MMS22L: variants seen among roughly 807,000 people sequenced by gnomAD.
MMS22L encodes MMS22 like, DNA repair protein.
Under a neutral mutation model 159.1 loss-of-function variants are expected in MMS22L, and 74 were observed. The observed-to-expected ratio is 0.47, with a 90% CI of 0.39 to 0.56. MMS22L has a LOEUF of 0.56. Ranked by LOEUF, MMS22L falls within the 20% of genes least tolerant of loss-of-function variation. The pLI is 0.00. For synonymous variants in MMS22L, 517 were observed against 506.9 expected (o/e 1.02, Z -0.27); for missense variants, 1,351 against 1,422.1 (o/e 0.95, Z 0.80).
At chr6:97,231,813 TAC>T (rs1343464113) in intron 12 of MMS22L, among the ~76,000 whole-genome samples, 161 bp from the exon 13 acceptor site, 1 of 152,144 alleles carries the variant, frequency 6.6e-6, no homozygotes, top group Non-Finnish European at 1.5e-5. Context: ...TCCATGAAAG[TAC>T]AGAGCATCAA....
At chr6:97,224,460 G>T (rs1810001757) in intron 14 of MMS22L, among the ~76,000 whole-genome samples, 1 of 151,582 alleles carries the variant, frequency 6.6e-6, no homozygotes, top group Non-Finnish European at 1.5e-5. Context: ...AAATTTAGAG[G>T]GTTGGAATAG....
At chr6:97,277,432 T>A (rs1816346170) in intron 4 of MMS22L, among the ~76,000 whole-genome samples, 1 of 151,292 alleles carries the variant, frequency 6.6e-6, no homozygotes, top group Non-Finnish European at 1.5e-5. Flanking sequence ...ATAATAATAA[T>A]AAATAATAAT....
intron 2 of MMS22L, 52 bp downstream of exon 2, chr6:97,282,261 TA>T: frequency 6.4e-7 from 1 of 1,573,556 alleles, no homozygotes; most frequent in South Asian, 1.2e-5. Flanking sequence ...CTAACATTCC[TA>T]AAAAACTGGT....
chr6:97,150,896 C>T (rs1801254276), intron 23 of MMS22L, among the ~76,000 whole-genome samples: 1 of 152,154 alleles, frequency 6.6e-6, no homozygotes, highest in South Asian at 2.1e-4. Flanking sequence ...CAGCACAAGA[C>T]TCTAAAGGGA....
intron 11 of MMS22L, among the ~76,000 whole-genome samples, chr6:97,243,410 G>A (rs919600597): frequency 2.6e-5 from 4 of 151,916 alleles, no homozygotes; most frequent in Non-Finnish European, 4.4e-5. Context: ...CTCTAAATGT[G>A]TCTTTCATTT....
At chr6:97,200,687 T>C (rs1214439893) in intron 14 of MMS22L, among the ~76,000 whole-genome samples, 2 of 152,024 alleles carry the variant, frequency 1.3e-5, no homozygotes, top group African/African-American at 2.4e-5. Flanking sequence ...TGATATCTCA[T>C]AAAATGGAAC....
chr6:97,189,551 CAAAAAAAAAAAAAA>C lies in MMS22L; in HGVS notation c.2040-2875_2040-2862del, dbSNP rs67620002. Among the ~76,000 whole-genome samples the C allele has an allele frequency of 1.7e-3, 95 of 55,232 alleles. 1 individual carries two copies. The highest frequency in any genetic ancestry group is 6.2e-3 in the African/African-American group (85 of 13,630). 36.2% of individuals were successfully genotyped at this position (55,232 alleles called of 152,430 possible). A position where few individuals can be genotyped will look rare whatever the true frequency, so the allele number is the denominator to read the frequency against. ...CTGGGCAACAGCGAGACTCTGTCTC[CAAAAAAAAAAAAAA>C]AAAAAAAAAAAAAAGAATAATTAAT... On this transcript the variant is annotated intron_variant, in intron 14 of 24. Coordinates refer to ENST00000683635, the MANE Select transcript of MMS22L (RefSeq NM_001350599.2).
In MMS22L at chr6:97,204,937, C is replaced by CTTT. The variant is rs1222516541; in HGVS notation, c.2040-18250_2040-18248dup. ...GTGCTTTGAGGGCCATGTACAGTGT[C>CTTT]TTTTTTTTTTTTTTTTTTTTTTTTG... On this transcript the variant is annotated intron_variant, in intron 14 of 24. Transcript: ENST00000683635. Among the ~76,000 whole-genome samples the CTTT allele has an allele frequency of 3.2e-3, 168 of 52,384 alleles. 2 individuals are homozygous for CTTT. Among genetic ancestry groups the CTTT allele is most frequent in the East Asian group, 6.5e-3 (10 of 1,528 alleles). 34.4% of individuals were successfully genotyped at this position (52,384 alleles called of 152,430 possible).
chr6:97,229,143 C>T lies in MMS22L; in HGVS notation c.1790G>A (p.Cys597Tyr), dbSNP rs1810574662. The T allele has an allele frequency of 6.2e-7, 1 of 1,614,018 alleles. No homozygotes were observed. The highest frequency in any genetic ancestry group is 1.7e-5 in the Admixed American group (1 of 60,000). The change falls in exon 14 of 25, where the codon TGT (cysteine) becomes TAT (tyrosine). Residue 597 changes from cysteine (C) to tyrosine (Y), a missense_variant. Cys to Tyr is a radical substitution (Grantham distance 194). Coordinates refer to ENST00000683635, the MANE Select transcript of MMS22L (RefSeq NM_001350599.2). Reference sequence around the variant, plus strand: ...TTCCTTTGCTTTCTCCCGGAAAGCACATGAAAATTTCTCAGCCAAAACACC... The same window carrying T: ...TTCCTTTGCTTTCTCCCGGAAAGCATATGAAAATTTCTCAGCCAAAACACC... ...DIGVLAEKFS[C>Y]AFREKAKEFL... is the part of the protein sequence containing the mutation.
At chr6:97,258,914 C>T (rs1163266446) in intron 9 of MMS22L, 1 of 152,110 alleles carries the variant, frequency 6.6e-6, no homozygotes. Flanking sequence ...CTGTTATATT[C>T]CATTGAGTGC....
Position 97,211,288 on chromosome 6 carries a change from C to T in MMS22L, c.2039+17606G>A, listed in dbSNP as rs78021283. ...CATAAAATGCAAATTTCAAGTGGGG[C>T]CAATATATTTGCAACATACGTAATG... is the stretch of plus-strand genomic sequence containing the variant. On this transcript the variant is annotated intron_variant, in intron 14 of 24. Coordinates refer to ENST00000683635, the MANE Select transcript of MMS22L (RefSeq NM_001350599.2). Among the ~76,000 whole-genome samples, 9 of 151,870 alleles carry T rather than the reference C, an allele frequency of 5.9e-5. No individual in the cohort carries two copies. The East Asian group carries it at 1.7e-3, about 29-fold the overall frequency.
chr6:97,148,593 G>T (rs1474224514), intron 24 of MMS22L, among the ~76,000 whole-genome samples: 1 of 151,702 alleles, frequency 6.6e-6, no homozygotes, highest in Non-Finnish European at 1.5e-5. Flanking sequence ...TTTAAAAATA[G>T]AAAAAAGCTT....
chr6:97,224,464 G>A (rs1810002401), intron 14 of MMS22L, among the ~76,000 whole-genome samples: 1 of 151,114 alleles, frequency 6.6e-6, no homozygotes, highest in Non-Finnish European at 1.5e-5. Context: ...TTAGAGGGTT[G>A]GAATAGTACT....
rs148057224 is a variant in MMS22L, at chr6:97,188,818, C to T, written c.2040-2128G>A. On this transcript the variant is annotated intron_variant, in intron 14 of 24. Transcript: ENST00000683635. ...CTAATAAAAATACAAAAAAATTAGC[C>T]GGGCATGATGGTACACGCTTGTAAT... 6.2e-3 allele frequency among the ~76,000 whole-genome samples: 941 copies of T among 151,990 alleles called. 12 individuals are homozygous for T. The highest frequency in any genetic ancestry group is 0.021 in the African/African-American group (870 of 41,460).
chr6:97,214,418 C>G (rs1808746046), intron 14 of MMS22L, among the ~76,000 whole-genome samples: 1 of 152,250 alleles, frequency 6.6e-6, no homozygotes, highest in South Asian at 2.1e-4. Flanking sequence ...AGCGAAGAAG[C>G]CAGCCCACTA....
At chr6:97,270,068 T>G (rs774972842) in intron 6 of MMS22L, 76 bp from the exon 7 acceptor site, 8 of 1,131,102 alleles carry the variant, frequency 7.1e-6, no homozygotes, top group Non-Finnish European at 1.1e-5. Context: ...GTCACAATAC[T>G]CCTCCATAAA....
chr6:97,239,500 TA>T (rs1476592543), intron 11 of MMS22L, among the ~76,000 whole-genome samples: 2 of 152,188 alleles, frequency 1.3e-5, no homozygotes, highest in African/African-American at 2.4e-5. Flanking sequence ...AAACTGTACT[TA>T]AGTAAGTAAA....
chr6:97,268,626 C>A (rs1815404291), intron 7 of MMS22L, among the ~76,000 whole-genome samples: 1 of 151,846 alleles, frequency 6.6e-6, no homozygotes, highest in Non-Finnish European at 1.5e-5. Context: ...ACATTTCTAA[C>A]CAACAAAGCC....
At chr6:97,153,364 CTTTTTTTTTTTTTTTT>C (rs59258093) in intron 22 of MMS22L, among the ~76,000 whole-genome samples, 1 of 78,110 alleles carries the variant, frequency 1.3e-5, no homozygotes, top group African/African-American at 5.5e-5. Context: ...CTCTACAGAT[CTTTTTTTTTTTTTTTT>C]TTTTTTTTTG....
Sources: allele counts gnomAD v4.1 joint callset (sites outside exome capture counted in the v4.1 genomes callset), GRCh38; gene constraint gnomAD v4.1.1; transcripts MANE v1.5; gene names NCBI Gene and HGNC (gene_info 2026-07-23, HGNC 2026-07-21).